Variants in TGS1 observed in about 807,000 individuals in gnomAD.
TGS1 encodes the protein trimethylguanosine synthase.
Under a neutral mutation model 92.2 loss-of-function variants are expected in TGS1, and 69 were observed. The ratio of observed to expected loss-of-function variants is 0.75; its 90% CI spans 0.62 to 0.91. The LOEUF (loss-of-function observed/expected upper bound fraction) is 0.91. Ranked by LOEUF, TGS1 falls within the 40% of genes least tolerant of loss-of-function variation. The pLI is 0.00. For synonymous variants in TGS1, 345 were observed against 338.1 expected (o/e 1.02, Z -0.22); for missense variants, 1,062 against 1,001.2 (o/e 1.06, Z -0.82).
intron 12 of TGS1, among the ~76,000 whole-genome samples, chr8:55,813,793 T>G (rs752637273): frequency 1.5e-4 from 23 of 152,324 alleles, no homozygotes; most frequent in African/African-American, 5.1e-4. Context: ...TTCTAGTGTT[T>G]GTCGCTTCCT....
At chr8:55,817,693 A>G (rs1207430491) in intron 12 of TGS1, among the ~76,000 whole-genome samples, 1 of 152,202 alleles carries the variant, frequency 6.6e-6, no homozygotes. Flanking sequence ...TCTCTCGTAG[A>G]GGTAGAGAAC....
In TGS1 at chr8:55,773,503, T is replaced by G; in HGVS notation, c.-116T>G. On this transcript the variant is annotated 5_prime_UTR_variant, in exon 1 of 13. Transcript: ENST00000260129. ...GCGCGAGCGGCCGCGGGCCAGTTTCTATCTCCTCATCCAGGGCTTGCGGGC... is the reference window on the plus strand; with the variant it reads ...GCGCGAGCGGCCGCGGGCCAGTTTCGATCTCCTCATCCAGGGCTTGCGGGC... 1 of 714,686 alleles carries G rather than the reference T, an allele frequency of 1.4e-6. No homozygotes were observed. Among genetic ancestry groups the G allele is most frequent in the African/African-American group, 1.8e-5 (1 of 54,586 alleles). The allele number at this position is 714,686 out of a possible 1,614,324, so 44.3% of individuals were successfully genotyped here. A position where few individuals can be genotyped will look rare whatever the true frequency, so the allele number is the denominator to read the frequency against.
chr8:55,782,758 T>A lies in TGS1; in HGVS notation c.112T>A (p.Leu38Met). The A allele has an allele frequency of 6.2e-7, 1 of 1,610,494 alleles. No homozygotes were observed. Among genetic ancestry groups the A allele is most frequent in the Non-Finnish European group, 8.5e-7 (1 of 1,178,846 alleles). ...CSRAFVEDRK[L>M]YNLGLKGYYI... The stretch of plus-strand genomic sequence containing the variant: ...TAATCTGCTTCGCAGGGATCGAAAA[T>A]TGTACAATTTGGGATTAAAAGGCTA... Residue 38 changes from leucine (L) to methionine (M), a missense_variant, in exon 2 of 13, where the codon TTG becomes ATG. Coordinates refer to ENST00000260129, the MANE Select transcript of TGS1 (RefSeq NM_024831.8).
chr8:55,802,669 A>G (rs540691783), intron 9 of TGS1, 63 bp downstream of exon 9: 21 of 1,471,106 alleles, frequency 1.4e-5, no homozygotes, highest in Middle Eastern at 1.8e-4. Context: ...AAAGAAAGTT[A>G]TAAGAATAAT....
At chr8:55,787,873 G>A (rs1257300927) in intron 4 of TGS1, among the ~76,000 whole-genome samples, 5 of 152,216 alleles carry the variant, frequency 3.3e-5, no homozygotes, top group African/African-American at 1.2e-4. Context: ...GCATAGGCAT[G>A]CCACATGGCA....
chr8:55,819,287 GATTT>G (rs754163978), intron 12 of TGS1, among the ~76,000 whole-genome samples: 2 of 111,414 alleles, frequency 1.8e-5, no homozygotes, highest in African/African-American at 3.6e-5. Context: ...ATGCCTGGGA[GATTT>G]TTTTTTTTTT....
chr8:55,785,244 CG>C (rs112464122), intron 2 of TGS1, among the ~76,000 whole-genome samples: 23,575 of 151,612 alleles, frequency 0.16, 2,182 homozygotes, highest in African/African-American at 0.26. Flanking sequence ...TTGGTAGAGA[CG>C]GGTTTTCACC....
In TGS1 at chr8:55,796,158, T is replaced by C. The variant is rs766546261; in HGVS notation, c.1542+6T>C. 1 of 1,595,384 alleles carries C rather than the reference T, an allele frequency of 6.3e-7. No individual in the cohort carries two copies. Among genetic ancestry groups the C allele is most frequent in the South Asian group, 1.1e-5 (1 of 89,354 alleles). ...AAAGCAAAATTCTGAGTAAGGTATG[T>C]ATAAATTTTGTTGCATATTTGTAGA... On this transcript the variant is annotated splice_donor_region_variant and intron_variant, in intron 7 of 12. Transcript: ENST00000260129.
intron 1 of TGS1, among the ~76,000 whole-genome samples, chr8:55,777,902 A>T (rs1811444785): frequency 2.0e-5 from 3 of 150,466 alleles, no homozygotes; most frequent in Admixed American, 6.6e-5. Context: ...AATAATTTAA[A>T]TTTTTTTTTT....
chr8:55,817,109 C>T (rs113405605), intron 12 of TGS1, among the ~76,000 whole-genome samples: 9,378 of 152,140 alleles, frequency 0.062, 337 homozygotes, highest in African/African-American at 0.097. Flanking sequence ...GTGATCTGCC[C>T]GCCTTGGCCT....
chr8:55,810,263 G>A (rs905009501), intron 10 of TGS1, among the ~76,000 whole-genome samples: 6 of 152,170 alleles, frequency 3.9e-5, no homozygotes, highest in African/African-American at 1.2e-4. Flanking sequence ...TTATGTCTAT[G>A]TTGCTAATTA....
At chr8:55,812,736 T>A (rs566840162) in intron 11 of TGS1, among the ~76,000 whole-genome samples, 1 of 152,156 alleles carries the variant, frequency 6.6e-6, no homozygotes, top group Non-Finnish European at 1.5e-5. Context: ...AAATTAAAAA[T>A]TAAAAAATAA....
chr8:55,793,734 A>ATTTG (rs2130159639), intron 6 of TGS1, among the ~76,000 whole-genome samples: 2 of 54,304 alleles, frequency 3.7e-5, no homozygotes, highest in South Asian at 7.1e-4. Context: ...TGCCCTGCTA[A>ATTTG]TTTATTTATT....
rs144295809 is a variant in TGS1, at chr8:55,810,881, T to C, written c.2144T>C (p.Val715Ala). ...CATTTTTTTCTTTTCCCACTTTTAG[T>C]GATTGCCATTGATATCGATCCTGTT... The part of the protein sequence containing the change: ...TIQFALTGMR[V>A]IAIDIDPVKI... The change falls in exon 11 of 13, where the codon GTG becomes GCG. Residue 715 changes from valine to alanine, a missense_variant and splice_region_variant. Transcript: ENST00000260129. The C allele has an allele frequency of 4.3e-6, 7 of 1,613,400 alleles. No homozygotes were observed. In the South Asian group the frequency reaches 6.6e-5, roughly 15 times the overall value.
Position 55,810,998 on chromosome 8 carries a change from T to G in TGS1, c.2261T>G (p.Phe754Cys), listed in dbSNP as rs7823773. Residue 754 changes from phenylalanine (F) to cysteine (C), a missense_variant, in exon 11 of 13, where the codon TTT becomes TGT. Phe to Cys is a radical substitution (Grantham distance 205). Coordinates refer to ENST00000260129, the MANE Select transcript of TGS1 (RefSeq NM_024831.8). The part of the protein sequence containing the change: ...ICGDFLLLAS[F>C]LKADVVFLSP... ...GGAGATTTCTTGCTGCTGGCTTCTT[T>G]TTTAAAGGCTGATGTTGTGTTCCTC... 0.12 allele frequency: 193,846 copies of G among 1,614,020 alleles called. 13,151 individuals carry two copies. The highest frequency in any genetic ancestry group is 0.26 in the African/African-American group (19,750 of 74,984).
At chr8:55,775,205 TGTC>T (rs1811356870) in intron 1 of TGS1, among the ~76,000 whole-genome samples, 1 of 150,072 alleles carries the variant, frequency 6.7e-6, no homozygotes, top group Non-Finnish European at 1.5e-5. Context: ...AGTTAGCCAT[TGTC>T]GTGCCTGGAT....
chr8:55,779,737 C>T (rs966720102), intron 1 of TGS1, among the ~76,000 whole-genome samples: 8 of 152,186 alleles, frequency 5.3e-5, no homozygotes, highest in African/African-American at 1.9e-4. Context: ...GAAAATAATA[C>T]ACAATTGGAT....
chr8:55,786,762 G>C lies in TGS1; in HGVS notation c.864G>C (p.Met288Ile). The change falls in exon 4 of 13, where the codon ATG (methionine) becomes ATC (isoleucine). Residue 288 changes from methionine to isoleucine, a missense_variant. By Grantham distance (10) the Met-to-Ile change is conservative. Transcript: ENST00000260129. Reference protein sequence around the residue: ...EADDKNDEKCMKVDLVSFPSS... With the variant: ...EADDKNDEKCIKVDLVSFPSS... Reference sequence around the variant, plus strand: ...ATGACAAGAACGATGAAAAATGCATGAAAGTTGACTTAGTATCTTTTCCAT... The same window carrying C: ...ATGACAAGAACGATGAAAAATGCATCAAAGTTGACTTAGTATCTTTTCCAT... The C allele has an allele frequency of 6.2e-7, 1 of 1,614,138 alleles. No individual in the cohort carries two copies. Among genetic ancestry groups the C allele is most frequent in the Non-Finnish European group, 8.5e-7 (1 of 1,180,018 alleles).
chr8:55,790,704 A>T (rs1332157091), intron 5 of TGS1, among the ~76,000 whole-genome samples: 2 of 152,068 alleles, frequency 1.3e-5, no homozygotes, highest in Non-Finnish European at 2.9e-5. Context: ...TTTTTTATAG[A>T]GACAGGGTCT....
Sources: gnomAD v4.1 joint callset for allele counts (sites outside exome capture counted in the v4.1 genomes callset) on GRCh38, gnomAD v4.1.1 for gene constraint, MANE v1.5 for transcripts, NCBI Gene and HGNC (gene_info 2026-07-23, HGNC 2026-07-21) for gene names.